The following TNRC18 variants were observed in gnomAD, a reference collection of about 807,000 sequenced individuals.
The protein encoded by TNRC18 is trinucleotide repeat containing 18, also known as trinucleotide repeat-containing gene 18 protein.
In TNRC18, 69 loss-of-function variants were observed where a neutral mutation model predicts 226.7. That is an observed-to-expected ratio of 0.30 (90% CI 0.25 to 0.37). The LOEUF is 0.37. Ranked by LOEUF, TNRC18 falls within the 10% of genes least tolerant of loss-of-function variation. The pLI is 1.00. For synonymous variants in TNRC18, 2,449 were observed against 1,927.6 expected (o/e 1.27, Z -7.09); for missense variants, 4,754 against 4,256.6 (o/e 1.12, Z -3.25).
Position 5,370,457 on chromosome 7 carries a change from C to T in TNRC18, c.4137G>A (p.Leu1379=). ...EKLEAAESLV[L]EQSFLHGITL... ...TGATGCCATGCAGGAAGCTCTGCTC[C>T]AAGACAAGGCTCTCGGCTGCTTCCA... Residue 1379 remains leucine, a synonymous_variant, in exon 11 of 30, where the codon TTG becomes TTA. Transcript: ENST00000430969. 6.4e-7 allele frequency: 1 copy of T among 1,571,814 alleles called. No individual in the cohort carries two copies. The highest frequency in any genetic ancestry group is 8.6e-7 in the Non-Finnish European group (1 of 1,158,246).
In TNRC18 at chr7:5,313,851, G is replaced by T. The variant is rs756398183; in HGVS notation, c.7040C>A (p.Thr2347Asn). The T allele has an allele frequency of 5.4e-6, 8 of 1,483,304 alleles. No homozygotes were observed. The African/African-American group carries it at 9.9e-5, about 18-fold the overall frequency. The allele number at this position is 1,483,304 out of a possible 1,614,324, so 91.9% of individuals were successfully genotyped here. A position where few individuals can be genotyped will look rare whatever the true frequency, so the allele number is the denominator to read the frequency against. Residue 2347 changes from threonine to asparagine, a missense_variant, in exon 27 of 30, where the codon ACC (threonine) becomes AAC (asparagine). Transcript: ENST00000430969. ...SAKAKGDRAATLEEGNPTDEV... is the reference protein window; with the variant it reads ...SAKAKGDRAANLEEGNPTDEV... Reference sequence around the variant, plus strand: ...GTCTGTTGGGTTCCCCTCCTCCAGGGTAGCGGCTCTGTCTGCAAAACAAAA... The same window carrying T: ...GTCTGTTGGGTTCCCCTCCTCCAGGTTAGCGGCTCTGTCTGCAAAACAAAA...
intron 17 of TNRC18, among the ~76,000 whole-genome samples, chr7:5,350,517 C>T (rs1324490891): frequency 6.6e-6 from 1 of 152,186 alleles, no homozygotes; most frequent in African/African-American, 2.4e-5. Flanking sequence ...TCCAGACCTT[C>T]CTCAGGGAGT....
At chr7:5,420,590 G>A (rs1013122428) in intron 2 of TNRC18, 27 of 454,212 alleles carry the variant, frequency 5.9e-5, no homozygotes, top group Non-Finnish European at 1.2e-4. Flanking sequence ...TAACTGCCAG[G>A]GACCCGGCTC....
rs1298547336 is a variant in TNRC18 at position 5,313,227 on chromosome 7, T to G, written c.7664A>C (p.Glu2555Ala). The G allele has an allele frequency of 1.9e-6, 3 of 1,548,944 alleles. No homozygotes were observed. Among genetic ancestry groups the G allele is most frequent in the South Asian group, 1.2e-5 (1 of 83,968 alleles). ...GCTGCTGCTGCTGCTCTCGGACTCT[T>G]CGGCCCCGTCCTGCTCAGCCTGGGC... ...DKAQAEQDGA[E>A]ESESSSSSSS... Residue 2555 changes from glutamate (E) to alanine (A), a missense_variant, in exon 27 of 30, where the codon GAA (glutamate) becomes GCA (alanine). Physicochemically the swap from Glu to Ala is moderately radical, Grantham distance 107 (BLOSUM62 -1). Coordinates refer to ENST00000430969, the MANE Select transcript of TNRC18 (RefSeq NM_001080495.3).
In TNRC18 at chr7:5,380,169, G is replaced by A. The variant is rs10279213; in HGVS notation, c.2153-2145C>T. Among the ~76,000 whole-genome samples the A allele has an allele frequency of 3.9e-3, 587 of 152,306 alleles. 2 individuals are homozygous for A. Among genetic ancestry groups the A allele is most frequent in the African/African-American group, 0.013 (554 of 41,572 alleles). ...TCCTAATAAGCAGCACCCCAGGCCC[G>A]ACAGAATGGCTCACGCCTGTAATCC... On this transcript the variant is annotated intron_variant, in intron 5 of 29. Transcript: ENST00000430969.
chr7:5,382,731 A>AAACTC (rs1779484970), intron 5 of TNRC18, among the ~76,000 whole-genome samples: 1 of 151,986 alleles, frequency 6.6e-6, no homozygotes, highest in African/African-American at 2.4e-5. Flanking sequence ...AGGAAAGACA[A>AAACTC]AACTCAGCTC....
chr7:5,406,944 C>A (rs1781512327), intron 2 of TNRC18, among the ~76,000 whole-genome samples: 1 of 152,184 alleles, frequency 6.6e-6, no homozygotes, highest in Admixed American at 6.5e-5. Flanking sequence ...TCAACACCCC[C>A]ACCTCCCTGC....
chr7:5,307,253 T>TTA lies in TNRC18; in HGVS notation c.*851_*852dup, dbSNP rs779259535. 8.7e-5 allele frequency: 13 copies of TTA among 149,242 alleles called. No homozygotes were observed. The highest frequency in any genetic ancestry group is 4.2e-4 in the South Asian group (2 of 4,766). 9.2% of individuals were successfully genotyped at this position (149,242 alleles called of 1,614,324 possible). On this transcript the variant is annotated 3_prime_UTR_variant, in exon 30 of 30. Coordinates refer to ENST00000430969, the MANE Select transcript of TNRC18 (RefSeq NM_001080495.3). ...GCTATTTTTCACAGTTTTAAAAAGT[T>TTA]TATATATATATTTATATATATTTAT...
At position 5,402,844 on chromosome 7, in the gene TNRC18, A is replaced by T. The variant is rs945303395; in HGVS notation, c.188-8249T>A. Among the ~76,000 whole-genome samples the T allele has an allele frequency of 1.3e-4, 19 of 145,758 alleles. 1 individual carries two copies. Among genetic ancestry groups the T allele is most frequent in the Admixed American group, 5.4e-4 (8 of 14,832 alleles). ...ACTCAAGCCTCGGCGACAGAGTGAG[A>T]CTCTGTCTCAAAAAAAAAAATATAT... On this transcript the variant is annotated intron_variant, in intron 2 of 29. Transcript: ENST00000430969.
chr7:5,382,268 T>G (rs1779448862), intron 5 of TNRC18, among the ~76,000 whole-genome samples: 1 of 151,850 alleles, frequency 6.6e-6, no homozygotes, highest in Non-Finnish European at 1.5e-5. Context: ...ACACAGGGAG[T>G]GCCACAGGGC....
intron 18 of TNRC18, among the ~76,000 whole-genome samples, chr7:5,341,212 C>G (rs1304143685): frequency 6.8e-6 from 1 of 146,176 alleles, no homozygotes; most frequent in Non-Finnish European, 1.5e-5. Flanking sequence ...GAGATGGAGA[C>G]CATCCTGGCT....
chr7:5,317,135 C>A (rs1043716621), intron 24 of TNRC18, among the ~76,000 whole-genome samples: 1 of 152,258 alleles, frequency 6.6e-6, no homozygotes. Context: ...TTCCTGCCCA[C>A]CCGCTATGAC....
chr7:5,345,447 C>T, intron 18 of TNRC18, 115 bp downstream of exon 18: 1 of 1,080,866 alleles, frequency 9.3e-7, no homozygotes, highest in Non-Finnish European at 1.3e-6. Flanking sequence ...GGGGTTCTGC[C>T]CATTCCCAGC....
At position 5,345,591 on chromosome 7, in the gene TNRC18, C is replaced by T. The variant is rs1343820593; in HGVS notation, c.5690G>A (p.Arg1897Gln). Residue 1897 changes from arginine (R) to glutamine (Q), a missense_variant, in exon 18 of 30, where the codon CGG (arginine) becomes CAG (glutamine). Transcript: ENST00000430969. ...VVQLEAKQKA[R>Q]KKEERQSLLG... ...CAGGCTCTGCCGCTCCTCTTTCTTC[C>T]GGGCCTTCTGCTTGGCCTCCAGCTG... The T allele has an allele frequency of 1.1e-5, 15 of 1,348,504 alleles. No individual in the cohort carries two copies. Among genetic ancestry groups the T allele is most frequent in the Admixed American group, 4.6e-5 (2 of 43,778 alleles). 83.5% of individuals were successfully genotyped at this position (1,348,504 alleles called of 1,614,324 possible).
At chr7:5,408,130 T>C (rs1283700348) in intron 2 of TNRC18, among the ~76,000 whole-genome samples, 3 of 151,806 alleles carry the variant, frequency 2.0e-5, no homozygotes, top group African/African-American at 7.3e-5. Context: ...TGAAACGCCG[T>C]CTCTGCTAAA....
intron 2 of TNRC18, among the ~76,000 whole-genome samples, chr7:5,419,552 G>A (rs1717251518): frequency 1.3e-5 from 2 of 152,218 alleles, no homozygotes; most frequent in Admixed American, 6.5e-5. Flanking sequence ...CGCCCCCCAA[G>A]TTCTTCCTCG....
intron 11 of TNRC18, among the ~76,000 whole-genome samples, chr7:5,369,774 T>C (rs967250839): frequency 6.6e-6 from 1 of 152,162 alleles, no homozygotes; most frequent in Non-Finnish European, 1.5e-5. Context: ...AGAGTTTCTG[T>C]TCCTTGCAAC....
Position 5,397,685 on chromosome 7 carries a change from C to T in TNRC18, c.188-3090G>A, listed in dbSNP as rs563179961. Among the ~76,000 whole-genome samples, 7 of 152,260 alleles carry T rather than the reference C, an allele frequency of 4.6e-5. No individual in the cohort carries two copies. In the South Asian group the frequency reaches 1.0e-3, roughly 23 times the overall value. On this transcript the variant is annotated intron_variant, in intron 2 of 29. Transcript: ENST00000430969. ...CCTTTCCCGCCTGGCCCGTCAGGCA[C>T]GAACTCCCAGGCCTCCTAGAATGCT...
chr7:5,406,966 G>A (rs1022149061), intron 2 of TNRC18, among the ~76,000 whole-genome samples: 4 of 152,130 alleles, frequency 2.6e-5, no homozygotes, highest in South Asian at 2.1e-4. Context: ...AGCCCCCAGC[G>A]TTCCTGCAGG....
Sources: allele counts gnomAD v4.1 joint callset (sites outside exome capture counted in the v4.1 genomes callset), GRCh38; gene constraint gnomAD v4.1.1; transcripts MANE v1.5; gene names NCBI Gene and HGNC (gene_info 2026-07-23, HGNC 2026-07-21).